The following NDUFA10 variants were observed in gnomAD, a reference collection of about 807,000 sequenced individuals.
NDUFA10 encodes the protein NADH:ubiquinone oxidoreductase subunit A10.
In NDUFA10, 40 loss-of-function variants were observed where a neutral mutation model predicts 47.8. The observed-to-expected ratio is 0.84, with a 90% CI of 0.65 to 1.09. NDUFA10 has a LOEUF of 1.09. Among genes scored for constraint, NDUFA10 ranks in the 50% least tolerant of loss-of-function variants. The pLI, the probability that NDUFA10 is intolerant of heterozygous loss-of-function variation, is 0.00. For missense variants in NDUFA10, 413 were observed against 451.1 expected, an observed-to-expected ratio of 0.92 and a Z score of 0.76; for synonymous variants, 183 against 172.2, an observed-to-expected ratio of 1.06 and a Z score of -0.49.
intron 4 of NDUFA10, among the ~76,000 whole-genome samples, chr2:239,899,462 G>C (rs920048370): frequency 1.4e-5 from 2 of 142,930 alleles, no homozygotes; most frequent in Admixed American, 1.4e-4. Context: ...ATGGAGGGGT[G>C]TGACGGAGGG....
At position 239,895,858 on chromosome 2, in the gene NDUFA10, G is replaced by T. The variant is rs185396063; in HGVS notation, c.295-544C>A. Among the ~76,000 whole-genome samples the T allele has an allele frequency of 1.1e-3, 175 of 152,324 alleles. 1 individual carries two copies. The highest frequency in any genetic ancestry group is 3.4e-3 in the African/African-American group (142 of 41,576). On this transcript the variant is annotated intron_variant, in intron 4 of 5. Coordinates refer to the NDUFA10 transcript ENST00000419408. ...GCCGTGCTACTGCCTTCTTGACACT[G>T]CCTGCAGCTTACTGGTGAAAATGGA...
At chr2:239,911,086 G>A (rs992807209) in intron 4 of NDUFA10, among the ~76,000 whole-genome samples, 2 of 152,214 alleles carry the variant, frequency 1.3e-5, no homozygotes, top group African/African-American at 2.4e-5. Context: ...GCACTCAGCC[G>A]TAGTCACACC....
At chr2:239,961,269 G>A (rs1694843728) in intron 9 of NDUFA10, 83 bp from the exon 10 acceptor site, 2 of 1,604,820 alleles carry the variant, frequency 1.2e-6, no homozygotes, top group African/African-American at 1.3e-5. Flanking sequence ...CTACCCGGCA[G>A]ATGCCTGTAC....
At chr2:240,012,043 T>C (rs1008044893) in intron 5 of NDUFA10, 3 of 338,620 alleles carry the variant, frequency 8.9e-6, no homozygotes, top group East Asian at 1.5e-4. Context: ...GCACCAAAAA[T>C]TGGGGGCAGC....
rs139323829 is a variant in NDUFA10, at chr2:239,991,303, C to G, written c.891-1121G>C. The stretch of plus-strand genomic sequence containing the variant: ...TAGTAAAAACCGCGTCGCTCATACA[C>G]GGTTAGTGATCCAATAATGCAAATG... On this transcript the variant is annotated intron_variant, in intron 8 of 9. Coordinates refer to ENST00000252711, the MANE Select transcript of NDUFA10 (RefSeq NM_004544.4). 3.0e-4 allele frequency among the ~76,000 whole-genome samples: 45 copies of G among 152,292 alleles called. No individual in the cohort carries two copies. The South Asian group carries it at 6.6e-3, about 22-fold the overall frequency.
chr2:239,993,977 G>T (rs558167566), intron 8 of NDUFA10, among the ~76,000 whole-genome samples: 3 of 152,190 alleles, frequency 2.0e-5, no homozygotes, highest in Admixed American at 2.0e-4. Flanking sequence ...CAGCCCGAGA[G>T]GTGAGATGCC....
At chr2:239,999,881 G>GCAC (rs1293018574) in intron 8 of NDUFA10, among the ~76,000 whole-genome samples, 1 of 152,194 alleles carries the variant, frequency 6.6e-6, no homozygotes, top group Non-Finnish European at 1.5e-5. Context: ...TTCCAGTTAT[G>GCAC]CACAGCATGG....
intron 9 of NDUFA10, among the ~76,000 whole-genome samples, chr2:239,974,968 C>T (rs184531155): frequency 4.3e-4 from 63 of 147,254 alleles, no homozygotes; most frequent in African/African-American, 1.4e-3. Flanking sequence ...CACTCCTCCG[C>T]CACCAAAGAG....
At chr2:239,996,142 C>T (rs2106454367) in intron 8 of NDUFA10, among the ~76,000 whole-genome samples, 1 of 152,246 alleles carries the variant, frequency 6.6e-6, no homozygotes, top group Non-Finnish European at 1.5e-5. Context: ...CCGATGGACC[C>T]AGCAGAGAGA....
Position 240,011,602 on chromosome 2 carries a change from G to C in NDUFA10, c.749+15C>G. The C allele has an allele frequency of 1.9e-6, 3 of 1,596,006 alleles. No individual in the cohort carries two copies. The highest frequency in any genetic ancestry group is 2.6e-6 in the Non-Finnish European group (3 of 1,163,478). On this transcript the variant is annotated intron_variant, in intron 6 of 9. Coordinates refer to ENST00000252711, the MANE Select transcript of NDUFA10 (RefSeq NM_004544.4). ...GAAGTTTTAGCCCTGTAAATCAGTCGTGTGTTTGGCTCACCTCATCTCAGG... is the reference window on the plus strand; with the variant it reads ...GAAGTTTTAGCCCTGTAAATCAGTCCTGTGTTTGGCTCACCTCATCTCAGG...
At chr2:239,934,394 C>T (rs928246196) in intron 4 of NDUFA10, among the ~76,000 whole-genome samples, 4 of 149,914 alleles carry the variant, frequency 2.7e-5, no homozygotes, top group African/African-American at 4.9e-5. Context: ...TGACGAACCA[C>T]GAACCAAATC....
chr2:239,966,754 GA>G (rs1244369547), intron 9 of NDUFA10, among the ~76,000 whole-genome samples: 1 of 151,816 alleles, frequency 6.6e-6, no homozygotes, highest in African/African-American at 2.4e-5. Context: ...AAAGAAACCT[GA>G]ACCAGGCTGC....
intron 9 of NDUFA10, among the ~76,000 whole-genome samples, chr2:239,989,257 A>C (rs1179988263): frequency 6.6e-6 from 1 of 152,270 alleles, no homozygotes; most frequent in Non-Finnish European, 1.5e-5. Flanking sequence ...GTAGAGTAAG[A>C]AAGCAAGCAA....
chr2:239,905,087 A>G (rs892866930), intron 4 of NDUFA10, among the ~76,000 whole-genome samples: 6 of 152,208 alleles, frequency 3.9e-5, no homozygotes, highest in Non-Finnish European at 8.8e-5. Context: ...TCCAGAGGTT[A>G]GGGTATCTTT....
At chr2:239,931,547 C>T (rs1300347812) in intron 4 of NDUFA10, among the ~76,000 whole-genome samples, 1 of 152,146 alleles carries the variant, frequency 6.6e-6, no homozygotes, top group Non-Finnish European at 1.5e-5. Context: ...CTCGCCACAG[C>T]GTCTTTCCCC....
chr2:240,013,801 CAG>C (rs1697229048), intron 5 of NDUFA10: 1 of 152,248 alleles, frequency 6.6e-6, no homozygotes, highest in Non-Finnish European at 1.5e-5. Flanking sequence ...GGATGGGCAT[CAG>C]AGTGAGGAAC....
intron 9 of NDUFA10, among the ~76,000 whole-genome samples, chr2:239,979,575 T>A (rs1695686926): frequency 7.2e-6 from 1 of 138,138 alleles, no homozygotes; most frequent in Admixed American, 7.4e-5. Flanking sequence ...ATGCCCCTGT[T>A]AAGTGGGGGC....
chr2:239,937,051 T>A (rs1190968649), intron 4 of NDUFA10, among the ~76,000 whole-genome samples: 1 of 152,222 alleles, frequency 6.6e-6, no homozygotes. Context: ...CATGGCCACA[T>A]GCCCCCTCTT....
chr2:239,948,622 C>G (rs1190325677), intron 4 of NDUFA10, among the ~76,000 whole-genome samples: 1 of 152,208 alleles, frequency 6.6e-6, no homozygotes, highest in African/African-American at 2.4e-5. Context: ...TCGGTGGGAC[C>G]CGGATCCTGA....
Sources: allele counts gnomAD v4.1 joint callset (sites outside exome capture counted in the v4.1 genomes callset), GRCh38; gene constraint gnomAD v4.1.1; transcripts MANE v1.5; gene names NCBI Gene and HGNC (gene_info 2026-07-23, HGNC 2026-07-21).